The following UGT3A1 variants were observed in gnomAD, a reference collection of about 807,000 sequenced individuals.
UGT3A1 encodes UDP glycosyltransferase family 3 member A1, also known as UDP-glycosyltransferase 3A1.
A neutral mutation model predicts 37.6 loss-of-function variants in UGT3A1; 40 were observed. The observed-to-expected ratio is 1.06, with a 90% CI of 0.83 to 1.38. The LOEUF (loss-of-function observed/expected upper bound fraction) is 1.38. Among genes scored for constraint, UGT3A1 ranks in the 40% most tolerant of loss-of-function variants. The pLI is 0.00. For synonymous variants in UGT3A1, 256 were observed against 232.3 expected, an observed-to-expected ratio of 1.10 and a Z score of -0.93; for missense variants, 642 against 634.2, an observed-to-expected ratio of 1.01 and a Z score of -0.13.
Position 35,968,130 on chromosome 5 carries a change from A to G in UGT3A1, c.200T>C (p.Ile67Thr), listed in dbSNP as rs758620589. The G allele has an allele frequency of 8.7e-6, 14 of 1,600,588 alleles. No homozygotes were observed. In the East Asian group the frequency reaches 3.1e-4, roughly 36 times the overall value. Reference protein sequence around the residue: ...HQSGKFLIPDIKEEEKSYQVI... With the variant: ...HQSGKFLIPDTKEEEKSYQVI... ...TTGGTATGATTTTTCCTCCTCTTTA[A>G]TATCTAAGAAAACACCAATTGGTTA... The change falls in exon 3 of 7, where the codon ATT becomes ACT. Residue 67 changes from isoleucine to threonine, a missense_variant. Physicochemically the swap from Ile to Thr is moderately conservative, Grantham distance 89. Coordinates refer to ENST00000274278, the MANE Select transcript of UGT3A1 (RefSeq NM_152404.4).
chr5:35,962,554 C>A, intron 4 of UGT3A1: 1 of 207,028 alleles, frequency 4.8e-6, no homozygotes, highest in Non-Finnish European at 9.7e-6. Flanking sequence ...CCCTTTGCAG[C>A]CTCTCCTGAA....
chr5:35,957,245 C>T lies in UGT3A1; in HGVS notation c.1018G>A (p.Val340Ile), dbSNP rs747178148. ...TCQSSHWPRD[V>I]HLATNVKIVD... The stretch of plus-strand genomic sequence containing the variant: ...ATTTTCACATTTGTGGCCAAATGAA[C>T]ATCTCTGGGCCAATGAGAACTCTGA... The change falls in exon 5 of 7, where the codon GTT becomes ATT. Residue 340 changes from valine (V) to isoleucine (I), a missense_variant. Transcript: ENST00000274278. 1 of 1,614,056 alleles carries T rather than the reference C, an allele frequency of 6.2e-7. No homozygotes were observed. Among genetic ancestry groups the T allele is most frequent in the African/African-American group, 1.3e-5 (1 of 74,918 alleles).
intron 4 of UGT3A1, among the ~76,000 whole-genome samples, chr5:35,958,506 A>G (rs1179203969): frequency 6.6e-6 from 1 of 152,118 alleles, no homozygotes; most frequent in African/African-American, 2.4e-5. Flanking sequence ...TGTTCTTGTA[A>G]TTATAAAATC....
chr5:35,952,744 A>T lies in UGT3A1; in HGVS notation c.*1458T>A, dbSNP rs1363948791. The T allele has an allele frequency of 1.3e-5, 2 of 152,228 alleles. No individual in the cohort carries two copies. Among genetic ancestry groups the T allele is most frequent in the African/African-American group, 4.8e-5 (2 of 41,448 alleles). The allele number at this position is 152,228 out of a possible 1,614,324, so 9.4% of individuals were successfully genotyped here. Reference sequence around the variant, plus strand: ...ATTCATGTGGTTTCATAAGAATTACAGCAATAAAACCTTGTATTATACGCA... The same window carrying T: ...ATTCATGTGGTTTCATAAGAATTACTGCAATAAAACCTTGTATTATACGCA... On this transcript the variant is annotated 3_prime_UTR_variant, in exon 7 of 7. Transcript: ENST00000274278.
At chr5:35,959,291 A>T (rs531290900) in intron 4 of UGT3A1, among the ~76,000 whole-genome samples, 1 of 152,250 alleles carries the variant, frequency 6.6e-6, no homozygotes, top group Non-Finnish European at 1.5e-5. Flanking sequence ...ATCACAAGGC[A>T]TACAAAGAAA....
At position 36,000,587 on chromosome 5, in the gene UGT3A1, T is replaced by C. The variant is rs541723543; in HGVS notation, c.-160+381A>G. Among the ~76,000 whole-genome samples, 6 of 152,228 alleles carry C rather than the reference T, an allele frequency of 3.9e-5. No homozygotes were observed. In the East Asian group the frequency reaches 9.6e-4, roughly 24 times the overall value. The stretch of plus-strand genomic sequence containing the variant: ...TGGACTGTAACTCCCAACAAAGACC[T>C]TTACCTCCAGTTTACTAAACATCAA... On this transcript the variant is annotated intron_variant, in intron 1 of 5. Transcript: ENST00000625798.
At chr5:35,972,750 A>G (rs998097594) in intron 2 of UGT3A1, among the ~76,000 whole-genome samples, 2 of 152,180 alleles carry the variant, frequency 1.3e-5, no homozygotes, top group African/African-American at 4.8e-5. Flanking sequence ...ATTTATATCA[A>G]ACTAATGAGT....
At chr5:35,970,921 A>G (rs148310135) in intron 2 of UGT3A1, among the ~76,000 whole-genome samples, 84 of 152,320 alleles carry the variant, frequency 5.5e-4, no homozygotes, top group Non-Finnish European at 1.0e-3. Flanking sequence ...CACATTTAGA[A>G]CCTCATACCC....
At chr5:35,979,661 TG>T (rs1423181605) in intron 2 of UGT3A1, among the ~76,000 whole-genome samples, 3 of 152,216 alleles carry the variant, frequency 2.0e-5, no homozygotes, top group African/African-American at 7.2e-5. Flanking sequence ...AACCTCTGCC[TG>T]TTACCCAATT....
Position 35,954,340 on chromosome 5 carries a change from C to T in UGT3A1, c.1434G>A (p.Gln478=). ...ATHLKPYAFQ[Q]PWHEQYLIDV... ...CAATGAGGTACTGCTCATGCCAAGG[C>T]TGCTGGAAGGCATAGGGCTTGAGGT... The change falls in exon 7 of 7, where the codon CAG becomes CAA. Residue 478 remains glutamine (Q), a synonymous_variant. Transcript: ENST00000274278. 2 of 1,614,246 alleles carry T rather than the reference C, an allele frequency of 1.2e-6. No homozygotes were observed. Among genetic ancestry groups the T allele is most frequent in the Non-Finnish European group, 1.7e-6 (2 of 1,180,040 alleles).
intron 2 of UGT3A1, among the ~76,000 whole-genome samples, chr5:35,997,048 A>C (rs1741111561): frequency 6.6e-6 from 1 of 152,192 alleles, no homozygotes; most frequent in South Asian, 2.1e-4. Context: ...TGTCCCTACC[A>C]CACAAGATTA....
At position 35,975,662 on chromosome 5, in the gene UGT3A1, A is replaced by ATT. The variant is rs35842142; in HGVS notation, c.197-7531_197-7530dup. 4.5e-3 allele frequency among the ~76,000 whole-genome samples: 676 copies of ATT among 148,572 alleles called. 4 individuals carry two copies. The highest frequency in any genetic ancestry group is 0.028 in the Middle Eastern group (8 of 288). ...GGCTGACTTAATGAAACAGTGAAGCATTTTTTTTTTTACTTTTTTTCATTT... is the reference window on the plus strand; with the variant it reads ...GGCTGACTTAATGAAACAGTGAAGCATTTTTTTTTTTTTACTTTTTTTCATTT... On this transcript the variant is annotated intron_variant, in intron 2 of 6. Transcript: ENST00000274278.
Position 35,954,024 on chromosome 5 carries a change from A to G in UGT3A1, c.*178T>C. On this transcript the variant is annotated 3_prime_UTR_variant, in exon 7 of 7. Transcript: ENST00000274278. The stretch of plus-strand genomic sequence containing the variant: ...GGTTTCAAGTCACAAGGGGCAAGTC[A>G]AGAAGCCTCAGTGGTGCGTGAAGAT... The G allele has an allele frequency of 1.5e-6, 1 of 686,314 alleles. No individual in the cohort carries two copies. Among genetic ancestry groups the G allele is most frequent in the African/African-American group, 1.8e-5 (1 of 55,550 alleles). The allele number at this position is 686,314 out of a possible 1,614,324, so 42.5% of individuals were successfully genotyped here.
intron 4 of UGT3A1, chr5:35,961,460 G>T (rs192575789): frequency 6.6e-6 from 1 of 152,190 alleles, no homozygotes; most frequent in Non-Finnish European, 1.5e-5. Context: ...ATAATCTAGT[G>T]CCAAAGATCA....
chr5:35,979,774 T>C (rs1346834499), intron 2 of UGT3A1, among the ~76,000 whole-genome samples: 3 of 152,210 alleles, frequency 2.0e-5, no homozygotes, highest in Non-Finnish European at 4.4e-5. Flanking sequence ...GATAAAGACA[T>C]ACCTGAGACT....
At chr5:36,000,344 A>G (rs531443411) in intron 1 of UGT3A1, among the ~76,000 whole-genome samples, 59 of 152,350 alleles carry the variant, frequency 3.9e-4, no homozygotes, top group African/African-American at 1.3e-3. Context: ...TTAGTAAAGA[A>G]TTCCTTTTAC....
intron 4 of UGT3A1, among the ~76,000 whole-genome samples, chr5:35,964,861 C>T (rs1352231387): frequency 6.6e-6 from 1 of 152,156 alleles, no homozygotes; most frequent in Non-Finnish European, 1.5e-5. Flanking sequence ...GGGCCCACCC[C>T]AGACAAATCA....
At chr5:35,990,063 G>A (rs1740877664) in intron 1 of UGT3A1, among the ~76,000 whole-genome samples, 2 of 150,352 alleles carry the variant, frequency 1.3e-5, no homozygotes, top group Non-Finnish European at 2.9e-5. Flanking sequence ...CTGCACTTCA[G>A]CCTGGGCGAC....
At chr5:35,990,952 C>T (rs775470906) in intron 1 of UGT3A1, 195 bp downstream of exon 1, 12 of 1,465,878 alleles carry the variant, frequency 8.2e-6, no homozygotes, top group Non-Finnish European at 9.9e-6. Flanking sequence ...TTCTCAAAAA[C>T]TGTCTTCCTC....
Sources: allele counts gnomAD v4.1 joint callset (sites outside exome capture counted in the v4.1 genomes callset), GRCh38; gene constraint gnomAD v4.1.1; transcripts MANE v1.5; gene names NCBI Gene and HGNC (gene_info 2026-07-23, HGNC 2026-07-21).